ADAMTS6: variants seen among roughly 807,000 people sequenced by gnomAD.
ADAMTS6 encodes ADAM metallopeptidase with thrombospondin type 1 motif 6.
A neutral mutation model predicts 144.3 loss-of-function variants in ADAMTS6; 23 were observed. The ratio of observed to expected loss-of-function variants is 0.16; its 90% confidence interval spans 0.11 to 0.23. The LOEUF is 0.23. Among genes scored for constraint, ADAMTS6 ranks in the 10% least tolerant of loss-of-function variants. The pLI, the probability that ADAMTS6 is intolerant of heterozygous loss-of-function variation, is 1.00. For missense variants in ADAMTS6, 999 were observed against 1,379.6 expected (o/e 0.72, Z 4.37); for synonymous variants, 444 against 457.5 (o/e 0.97, Z 0.38).
At chr5:65,275,432 GAAAA>G (rs1488337366) in intron 11 of ADAMTS6, among the ~76,000 whole-genome samples, 1 of 148,152 alleles carries the variant, frequency 6.7e-6, no homozygotes, top group Middle Eastern at 3.2e-3. Context: ...AAGAAAGAAA[GAAAA>G]GAAAAAAGAA....
At chr5:65,395,796 C>T (rs781268636) in intron 7 of ADAMTS6, among the ~76,000 whole-genome samples, 59 of 152,150 alleles carry the variant, frequency 3.9e-4, no homozygotes, top group Non-Finnish European at 7.2e-4. Context: ...CCAAAAAAAT[C>T]GTCCCAGCCA....
chr5:65,161,045 T>C (rs1327963783), intron 24 of ADAMTS6, among the ~76,000 whole-genome samples: 1 of 151,928 alleles, frequency 6.6e-6, no homozygotes, highest in Non-Finnish European at 1.5e-5. Context: ...TTTTTATTTA[T>C]TTATTTATTT....
intron 7 of ADAMTS6, among the ~76,000 whole-genome samples, chr5:65,422,194 A>G (rs1756104107): frequency 1.3e-5 from 2 of 152,272 alleles, no homozygotes; most frequent in Non-Finnish European, 1.5e-5. Flanking sequence ...CAAAAAATAT[A>G]TGAAAAAACT....
intron 7 of ADAMTS6, among the ~76,000 whole-genome samples, chr5:65,341,896 A>G (rs1242737426): frequency 6.6e-6 from 1 of 152,084 alleles, no homozygotes; most frequent in African/African-American, 2.4e-5. Context: ...AGAAAAGAAA[A>G]CTCCAGGCCA....
intron 24 of ADAMTS6, among the ~76,000 whole-genome samples, chr5:65,154,344 C>G (rs1752292904): frequency 6.6e-6 from 1 of 152,212 alleles, no homozygotes; most frequent in Non-Finnish European, 1.5e-5. Flanking sequence ...CAGTATCTAG[C>G]CTGTGGGCAG....
chr5:65,465,667 T>C (rs1759941814), intron 3 of ADAMTS6, among the ~76,000 whole-genome samples: 1 of 152,226 alleles, frequency 6.6e-6, no homozygotes, highest in African/African-American at 2.4e-5. Flanking sequence ...CACCAATAAC[T>C]TCCTCAATGA....
At chr5:65,474,035 A>G (rs1236612657) in intron 1 of ADAMTS6, 83 bp from the exon 2 acceptor site, 2 of 391,724 alleles carry the variant, frequency 5.1e-6, no homozygotes, top group Non-Finnish European at 9.0e-6. Flanking sequence ...ATCCTTGCCA[A>G]AAGACATAAC....
chr5:65,228,497 T>A (rs1193335003), intron 15 of ADAMTS6, among the ~76,000 whole-genome samples: 1 of 152,020 alleles, frequency 6.6e-6, no homozygotes, highest in African/African-American at 2.4e-5. Flanking sequence ...TCTACTATCA[T>A]CTCCCTGCAG....
At chr5:65,191,117 G>C (rs1754993809) in intron 21 of ADAMTS6, among the ~76,000 whole-genome samples, 1 of 152,010 alleles carries the variant, frequency 6.6e-6, no homozygotes, top group Admixed American at 6.6e-5. Flanking sequence ...CAATTCTGGG[G>C]CTGTTTCTTT....
At chr5:65,287,844 T>G (rs1741832166) in intron 11 of ADAMTS6, among the ~76,000 whole-genome samples, 1 of 152,244 alleles carries the variant, frequency 6.6e-6, no homozygotes, top group East Asian at 1.9e-4. Flanking sequence ...ATTATGATTT[T>G]TATCAACTCA....
chr5:65,275,601 C>A (rs1762470606), intron 11 of ADAMTS6, among the ~76,000 whole-genome samples: 2 of 151,840 alleles, frequency 1.3e-5, no homozygotes, highest in Non-Finnish European at 2.9e-5. Flanking sequence ...TACTACTTTA[C>A]TCTTTTTCTA....
chr5:65,473,373 C>T (rs951902604), intron 2 of ADAMTS6, among the ~76,000 whole-genome samples: 3 of 152,024 alleles, frequency 2.0e-5, no homozygotes, highest in Non-Finnish European at 2.9e-5. Flanking sequence ...CTAAAATCCA[C>T]GGGATGTTAA....
rs1286983114 is a variant in ADAMTS6, at chr5:65,300,032, A to C, written c.1323T>G (p.Pro441=). The C allele has an allele frequency of 6.2e-7, 1 of 1,613,964 alleles. No individual in the cohort carries two copies. The highest frequency in any genetic ancestry group is 1.3e-5 in the African/African-American group (1 of 74,918). Residue 441 remains proline (P), a synonymous_variant, in exon 10 of 25, where the codon CCT becomes CCG. Coordinates refer to ENST00000381055, the MANE Select transcript of ADAMTS6 (RefSeq NM_197941.4). ...MAAHITANTN[P]FSWSACSRDY... The stretch of plus-strand genomic sequence containing the variant: ...CTCGACTGCAAGCAGACCAGGAAAA[A>C]GGATTGGTATTCGCAGTAATGTGAG...
chr5:65,274,164 A>G (rs185218588), intron 11 of ADAMTS6, among the ~76,000 whole-genome samples: 94 of 152,256 alleles, frequency 6.2e-4, no homozygotes, highest in African/African-American at 2.2e-3. Flanking sequence ...TACAACACTT[A>G]TTCTAATATT....
At chr5:65,478,767 T>A (rs1032261628) in intron 1 of ADAMTS6, among the ~76,000 whole-genome samples, 3 of 152,200 alleles carry the variant, frequency 2.0e-5, no homozygotes, top group Admixed American at 6.5e-5. Flanking sequence ...TACTTTAAAT[T>A]TGAAAACAGA....
intron 18 of ADAMTS6, among the ~76,000 whole-genome samples, chr5:65,221,959 T>C (rs1170330659): frequency 8.5e-5 from 13 of 152,070 alleles, no homozygotes. Flanking sequence ...AAATGAAACA[T>C]TGGTGAAAAA....
In ADAMTS6 at chr5:65,332,714, T is replaced by G. The variant is rs908049675; in HGVS notation, c.1117+1328A>C. Among the ~76,000 whole-genome samples the G allele has an allele frequency of 5.3e-5, 8 of 152,218 alleles. No homozygotes were observed. In the South Asian group the frequency reaches 1.7e-3, roughly 32 times the overall value. On this transcript the variant is annotated intron_variant, in intron 8 of 24. Coordinates refer to ENST00000381055, the MANE Select transcript of ADAMTS6 (RefSeq NM_197941.4). ...AAGAGCTTAAATACACTGTAAAAGT[T>G]AATGTACTGAAACTGTCAAAGCCAG...
At chr5:65,180,113 A>G (rs925786044) in intron 22 of ADAMTS6, among the ~76,000 whole-genome samples, 2 of 152,202 alleles carry the variant, frequency 1.3e-5, no homozygotes, top group Admixed American at 1.3e-4. Context: ...GAGGCTATCT[A>G]GGTGAACACC....
In ADAMTS6 at chr5:65,398,778, GAGCAAGAA is replaced by G. The variant is rs1312659108; in HGVS notation, c.1073+52689_1073+52696del. Reference sequence around the variant, plus strand: ...GAAAGAGAGAGAGAGAAAGAAGAGAGAGCAAGAAAGAAAGAAAGAAAGAAAGAAAGAAA... The same window carrying G: ...GAAAGAGAGAGAGAGAAAGAAGAGAGAGAAAGAAAGAAAGAAAGAAAGAAA... On this transcript the variant is annotated intron_variant, in intron 7 of 24. Transcript: ENST00000381055. Among the ~76,000 whole-genome samples the G allele has an allele frequency of 2.2e-3, 96 of 44,052 alleles. 2 individuals carry two copies. The highest frequency in any genetic ancestry group is 7.5e-3 in the East Asian group (18 of 2,416). 28.9% of individuals were successfully genotyped at this position (44,052 alleles called of 152,430 possible). A position where few individuals can be genotyped will look rare whatever the true frequency, so the allele number is the denominator to read the frequency against.
Sources: allele counts gnomAD v4.1 joint callset (sites outside exome capture counted in the v4.1 genomes callset), GRCh38; gene constraint gnomAD v4.1.1; transcripts MANE v1.5; gene names NCBI Gene and HGNC (gene_info 2026-07-23, HGNC 2026-07-21).